Variants in PTPRJ observed in about 807,000 individuals in gnomAD.
PTPRJ encodes the protein receptor-type tyrosine-protein phosphatase eta.
Under a neutral mutation model 141.3 loss-of-function variants are expected in PTPRJ, and 129 were observed. That is an observed-to-expected ratio of 0.91 (90% CI 0.79 to 1.06). PTPRJ has a LOEUF of 1.06. PTPRJ is among the 50% of genes least tolerant of loss of function. The pLI is 0.00. For synonymous variants in PTPRJ, 610 were observed against 640.5 expected, an observed-to-expected ratio of 0.95 and a Z score of 0.72; for missense variants, 1,601 against 1,679.7, an observed-to-expected ratio of 0.95 and a Z score of 0.82.
chr11:48,044,704 T>C (rs1454439171), intron 1 of PTPRJ: 1 of 152,180 alleles, frequency 6.6e-6, no homozygotes, highest in Non-Finnish European at 1.5e-5. Flanking sequence ...CTCTACTCTG[T>C]TAAAGCCAGA....
chr11:48,099,376 G>A (rs1324416334), intron 1 of PTPRJ, among the ~76,000 whole-genome samples: 1 of 152,200 alleles, frequency 6.6e-6, no homozygotes, highest in Non-Finnish European at 1.5e-5. Flanking sequence ...TACATTTAAC[G>A]CTTGTAAGTA....
intron 22 of PTPRJ, among the ~76,000 whole-genome samples, chr11:48,162,735 T>C (rs1857817685): frequency 6.6e-6 from 1 of 152,226 alleles, no homozygotes; most frequent in African/African-American, 2.4e-5. Context: ...CGAGTACAGC[T>C]GAGTCAGGGA....
Position 48,164,452 on chromosome 11 carries a change from C to A in PTPRJ, c.3792C>A (p.Thr1264=). The A allele has an allele frequency of 1.2e-6, 2 of 1,613,860 alleles. No homozygotes were observed. Among genetic ancestry groups the A allele is most frequent in the Non-Finnish European group, 1.7e-6 (2 of 1,179,920 alleles). ...TCTACCAGATAGAGAATGAGAACAC[C>A]GTGGATGTGTATGGGATTGTGTATG... ...RLIYQIENEN[T]VDVYGIVYDL... Residue 1264 remains threonine (T), a synonymous_variant, in exon 24 of 25, where the codon ACC becomes ACA. Coordinates refer to ENST00000418331, the MANE Select transcript of PTPRJ (RefSeq NM_002843.4).
At chr11:48,109,401 C>T (rs1156768386) in intron 1 of PTPRJ, among the ~76,000 whole-genome samples, 1 of 152,110 alleles carries the variant, frequency 6.6e-6, no homozygotes, top group Admixed American at 6.5e-5. Context: ...CAATGAATAT[C>T]CTTGAGGGCT....
chr11:48,087,656 C>T (rs999784090), intron 1 of PTPRJ, among the ~76,000 whole-genome samples: 1 of 152,178 alleles, frequency 6.6e-6, no homozygotes, highest in African/African-American at 2.4e-5. Flanking sequence ...GCTAGAAACC[C>T]ATAGACGATG....
intron 1 of PTPRJ, among the ~76,000 whole-genome samples, chr11:48,092,855 A>G (rs1452043269): frequency 6.6e-6 from 1 of 152,160 alleles, no homozygotes; most frequent in Non-Finnish European, 1.5e-5. Flanking sequence ...GCTTGTTTCC[A>G]TGTCTTGGCT....
At chr11:48,038,780 G>T (rs1399486880) in intron 1 of PTPRJ, among the ~76,000 whole-genome samples, 2 of 150,320 alleles carry the variant, frequency 1.3e-5, no homozygotes, top group Non-Finnish European at 3.0e-5. Flanking sequence ...ATAAGCCATG[G>T]TGCCCGGTGG....
intron 1 of PTPRJ, among the ~76,000 whole-genome samples, chr11:48,002,462 G>A (rs1241491962): frequency 1.3e-5 from 2 of 151,894 alleles, no homozygotes; most frequent in African/African-American, 4.8e-5. Context: ...TTTTAAAATG[G>A]GTAAATGAGT....
At chr11:48,093,059 C>T (rs1302712048) in intron 1 of PTPRJ, among the ~76,000 whole-genome samples, 4 of 152,272 alleles carry the variant, frequency 2.6e-5, no homozygotes, top group South Asian at 2.1e-4. Flanking sequence ...CTAAACTACT[C>T]GTGTATTCCT....
intron 1 of PTPRJ, among the ~76,000 whole-genome samples, chr11:48,017,933 A>G (rs1290200898): frequency 6.6e-6 from 1 of 152,220 alleles, no homozygotes; most frequent in East Asian, 1.9e-4. Flanking sequence ...AAGCACTTAA[A>G]AATGTAAATT....
intron 11 of PTPRJ, among the ~76,000 whole-genome samples, chr11:48,142,145 A>T (rs1857246459): frequency 6.6e-6 from 1 of 152,208 alleles, no homozygotes; most frequent in South Asian, 2.1e-4. Flanking sequence ...TGTTGAAGAT[A>T]AGTTGACTGT....
chr11:47,980,679 G>A lies in PTPRJ; in HGVS notation c.-234G>A. 3.0e-6 allele frequency: 3 copies of A among 988,584 alleles called. No homozygotes were observed. Among genetic ancestry groups the A allele is most frequent in the Non-Finnish European group, 3.6e-6 (3 of 833,330 alleles). The allele number at this position is 988,584 out of a possible 1,614,324, so 61.2% of individuals were successfully genotyped here. ...GCCCCGCGAAGCCCCTGCGCGCTCA[G>A]GGACGCGGCCCCCCCGCGGCAGCCG... On this transcript the variant is annotated 5_prime_UTR_variant, in exon 1 of 25. Coordinates refer to ENST00000418331, the MANE Select transcript of PTPRJ (RefSeq NM_002843.4).
intron 1 of PTPRJ, among the ~76,000 whole-genome samples, chr11:47,990,892 G>T (rs1854175801): frequency 6.6e-6 from 1 of 151,770 alleles, no homozygotes; most frequent in South Asian, 2.1e-4. Context: ...TGTTAGCCAG[G>T]ATGGTCTCAA....
At chr11:48,114,058 T>C (rs1187982664) in intron 3 of PTPRJ, among the ~76,000 whole-genome samples, 3 of 152,188 alleles carry the variant, frequency 2.0e-5, no homozygotes, top group Non-Finnish European at 4.4e-5. Context: ...ACAATAGTTT[T>C]GTTAGTTCTA....
chr11:48,159,098 G>GGA (rs397754076), intron 21 of PTPRJ, among the ~76,000 whole-genome samples: 2 of 128,054 alleles, frequency 1.6e-5, no homozygotes, highest in Non-Finnish European at 3.3e-5. Flanking sequence ...TGTATGTGGG[G>GGA]TGTGTGTGTG....
chr11:48,058,635 T>A (rs1029101066), intron 1 of PTPRJ, among the ~76,000 whole-genome samples: 5 of 152,206 alleles, frequency 3.3e-5, no homozygotes, highest in Admixed American at 6.6e-5. Context: ...GCCACCGCTC[T>A]GGTCCAAGCC....
chr11:48,082,568 T>C (rs1283119003), intron 1 of PTPRJ, among the ~76,000 whole-genome samples: 1 of 150,432 alleles, frequency 6.6e-6, no homozygotes, highest in Non-Finnish European at 1.5e-5. Context: ...ATTTATTTAT[T>C]TTTTTTTTGT....
At chr11:48,059,109 C>CT (rs1437506736) in intron 1 of PTPRJ, among the ~76,000 whole-genome samples, 1,739 of 125,880 alleles carry the variant, frequency 0.014, 80 homozygotes, top group Middle Eastern at 0.023. Flanking sequence ...CTGTGCTGTG[C>CT]CTTTTTTTTT....
intron 1 of PTPRJ, among the ~76,000 whole-genome samples, chr11:48,008,510 G>A (rs1348131242): frequency 1.3e-5 from 2 of 150,780 alleles, no homozygotes; most frequent in Non-Finnish European, 2.9e-5. Flanking sequence ...CAACTGCCTC[G>A]GCCTCCCAAA....
Sources: gnomAD v4.1 joint callset for allele counts (sites outside exome capture counted in the v4.1 genomes callset) on GRCh38, gnomAD v4.1.1 for gene constraint, MANE v1.5 for transcripts, NCBI Gene and HGNC (gene_info 2026-07-23, HGNC 2026-07-21) for gene names.